SLC26A3: variants seen among roughly 807,000 people sequenced by gnomAD.
SLC26A3 encodes solute carrier family 26 member 3.
SLC26A3 carries 64 observed loss-of-function variants against 85.6 expected under a neutral mutation model. The observed-to-expected ratio is 0.75, with a 90% CI of 0.61 to 0.92. The LOEUF is 0.92. Ranked by LOEUF, SLC26A3 falls within the 40% of genes least tolerant of loss-of-function variation. SLC26A3 has a pLI of 0.00. For synonymous variants in SLC26A3, 349 were observed against 336.0 expected, an observed-to-expected ratio of 1.04 and a Z score of -0.42; for missense variants, 922 against 927.3, an observed-to-expected ratio of 0.99 and a Z score of 0.07.
chr7:107,767,920 A>G lies in SLC26A3; in HGVS notation c.2063-12T>C. ...CTCAATGAAGTCATCTGAAGAGAAA[A>G]AAACAGTAACTTTTAGGAAGAAACA... On this transcript the variant is annotated splice_polypyrimidine_tract_variant and intron_variant, in intron 18 of 20. Coordinates refer to ENST00000340010, the MANE Select transcript of SLC26A3 (RefSeq NM_000111.3). The G allele has an allele frequency of 6.2e-7, 1 of 1,612,918 alleles. No homozygotes were observed. Among genetic ancestry groups the G allele is most frequent in the Non-Finnish European group, 8.5e-7 (1 of 1,179,250 alleles).
At chr7:107,769,911 G>A (rs1793976113) in intron 18 of SLC26A3, among the ~76,000 whole-genome samples, 1 of 151,934 alleles carries the variant, frequency 6.6e-6, no homozygotes, top group Non-Finnish European at 1.5e-5. Flanking sequence ...CTTCGTTCTA[G>A]TCTGTACTCA....
intron 18 of SLC26A3, among the ~76,000 whole-genome samples, chr7:107,768,634 T>C (rs1019742134): frequency 6.6e-6 from 1 of 152,196 alleles, no homozygotes; most frequent in African/African-American, 2.4e-5. Context: ...TTTTTTCCTT[T>C]ATTGTTTTCT....
rs372427081 is a variant in SLC26A3, at chr7:107,789,946, G to A, written c.571-258C>T. Among the ~76,000 whole-genome samples the A allele has an allele frequency of 6.6e-5, 10 of 152,220 alleles. No individual in the cohort carries two copies. In the East Asian group the frequency reaches 1.9e-3, roughly 29 times the overall value. The stretch of plus-strand genomic sequence containing the variant: ...TATAAGTCTAGTTTGCCCCCAAGAA[G>A]TAACAGGCTTATTTGCACTTAATTT... On this transcript the variant is annotated intron_variant, in intron 5 of 20. Coordinates refer to ENST00000340010, the MANE Select transcript of SLC26A3 (RefSeq NM_000111.3).
chr7:107,801,373 G>A (rs1794596820), intron 1 of SLC26A3, among the ~76,000 whole-genome samples: 1 of 152,094 alleles, frequency 6.6e-6, no homozygotes, highest in Admixed American at 6.6e-5. Flanking sequence ...GAGCATGAAA[G>A]CCTCACACTC....
At chr7:107,766,039 A>G (rs575771436) in intron 20 of SLC26A3, among the ~76,000 whole-genome samples, 161 bp from the exon 21 acceptor site, 3 of 152,226 alleles carry the variant, frequency 2.0e-5, no homozygotes, top group Admixed American at 6.5e-5. Context: ...ACATAGATCT[A>G]TGTGATACCA....
intron 1 of SLC26A3, among the ~76,000 whole-genome samples, chr7:107,797,438 G>C (rs1794526110): frequency 6.6e-6 from 1 of 152,104 alleles, no homozygotes; most frequent in Non-Finnish European, 1.5e-5. Context: ...AGGTTGCAGT[G>C]AGCTGAGATC....
At chr7:107,770,643 G>A (rs989502639) in intron 18 of SLC26A3, among the ~76,000 whole-genome samples, 1 of 152,088 alleles carries the variant, frequency 6.6e-6, no homozygotes, top group Non-Finnish European at 1.5e-5. Context: ...TTTTCTATGA[G>A]ACTATAAGCT....
At chr7:107,770,048 TTCTCTTTTCTTTCTTTTTCTTTCTC>T (rs1257551739) in intron 18 of SLC26A3, among the ~76,000 whole-genome samples, 1 of 122,516 alleles carries the variant, frequency 8.2e-6, no homozygotes, top group Admixed American at 8.6e-5. Flanking sequence ...CTTTCTTTCT[TTCTCTTTTCTTTCTTTTTCTTTCTC>T]TCTTTTTTCT....
intron 11 of SLC26A3, 23 bp downstream of exon 11, chr7:107,782,774 A>T: frequency 1.9e-6 from 3 of 1,606,286 alleles, no homozygotes; most frequent in Non-Finnish European, 2.6e-6. Flanking sequence ...AAAAGTAGAG[A>T]TGCTATCCAA....
At chr7:107,771,973 T>G in intron 18 of SLC26A3, 81 bp downstream of exon 18, 1 of 927,390 alleles carries the variant, frequency 1.1e-6, no homozygotes, top group Non-Finnish European at 1.8e-6. Context: ...TACTCATTCT[T>G]TGGAGAGGCT....
chr7:107,777,924 T>C (rs1224214573), intron 13 of SLC26A3, among the ~76,000 whole-genome samples: 1 of 152,236 alleles, frequency 6.6e-6, no homozygotes, highest in African/African-American at 2.4e-5. Context: ...TATGATTTAT[T>C]TGAACTGGAG....
rs142908255 is a variant in SLC26A3 at position 107,767,802 on chromosome 7, C to A, written c.2169G>T (p.Lys723Asn). 1.9e-5 allele frequency: 30 copies of A among 1,613,772 alleles called. No individual in the cohort carries two copies. The highest frequency in any genetic ancestry group is 1.5e-4 in the African/African-American group (11 of 75,006). The change falls in exon 19 of 21, where the codon AAG becomes AAT. Residue 723 changes from lysine to asparagine, a missense_variant. Coordinates refer to ENST00000340010, the MANE Select transcript of SLC26A3 (RefSeq NM_000111.3). Reference protein sequence around the residue: ...IHDAVLHILMKKDYSTSKFNP... With the variant: ...IHDAVLHILMNKDYSTSKFNP... ...TAAACTTTGAAGTACTGTAATCTTT[C>A]TTCATCAAAATATGCAAAACAGCAT... is the stretch of plus-strand genomic sequence containing the variant.
chr7:107,772,530 A>T (rs1454150773), intron 17 of SLC26A3, among the ~76,000 whole-genome samples: 1 of 152,220 alleles, frequency 6.6e-6, no homozygotes, highest in Non-Finnish European at 1.5e-5. Flanking sequence ...TGTATCTAGC[A>T]CCAATGAATG....
intron 6 of SLC26A3, among the ~76,000 whole-genome samples, chr7:107,789,249 TG>T (rs1285204198): frequency 6.6e-6 from 1 of 151,718 alleles, no homozygotes. Flanking sequence ...CTGGAGTAGC[TG>T]GGACTACAGG....
chr7:107,770,669 C>G (rs559546295), intron 18 of SLC26A3, among the ~76,000 whole-genome samples: 1 of 152,094 alleles, frequency 6.6e-6, no homozygotes, highest in South Asian at 2.1e-4. Context: ...AGGACAGAGG[C>G]TTGTCAGATT....
In SLC26A3 at chr7:107,801,925, CAAA is replaced by C. The variant is rs11356401; in HGVS notation, c.-89+1183_-89+1185del. Among the ~76,000 whole-genome samples the C allele has an allele frequency of 4.5e-3, 407 of 91,230 alleles. 4 individuals carry two copies. The highest frequency in any genetic ancestry group is 0.013 in the African/African-American group (384 of 28,544). The allele number at this position is 91,230 out of a possible 152,430, so 59.9% of individuals were successfully genotyped here. ...CGAAACCCCGTCTCTACTGAAAATA[CAAA>C]AAAAAAAAAAAAAAAATGCCAGGCA... On this transcript the variant is annotated intron_variant, in intron 1 of 20. Coordinates refer to ENST00000340010, the MANE Select transcript of SLC26A3 (RefSeq NM_000111.3).
In SLC26A3 at chr7:107,767,877, T is replaced by A; in HGVS notation, c.2094A>T (p.Glu698Asp). 5 of 1,613,634 alleles carry A rather than the reference T, an allele frequency of 3.1e-6. No individual in the cohort carries two copies. Among genetic ancestry groups the A allele is most frequent in the Non-Finnish European group, 4.2e-6 (5 of 1,179,716 alleles). The change falls in exon 19 of 21, where the codon GAA becomes GAT. Residue 698 changes from glutamate to aspartate, a missense_variant. Transcript: ENST00000340010. ...AGCTTTTCACTTCACCATCAAAAAA[T>A]TCATACCGGTTAAGCTTCTCAATGA... The part of the protein sequence containing the change: ...DDFIEKLNRY[E>D]FFDGEVKSSI...
At chr7:107,797,776 A>T (rs1451004424) in intron 1 of SLC26A3, among the ~76,000 whole-genome samples, 4 of 126,500 alleles carry the variant, frequency 3.2e-5, no homozygotes, top group Non-Finnish European at 6.2e-5. Context: ...TCTGTCGCCC[A>T]GGCTGGAGTG....
intron 1 of SLC26A3, among the ~76,000 whole-genome samples, chr7:107,796,967 A>AT (rs576969438): frequency 9.7e-4 from 148 of 151,984 alleles, no homozygotes; most frequent in Non-Finnish European, 1.4e-3. Flanking sequence ...TGGCTGTTGT[A>AT]TTTTTTTTAT....
Sources: allele counts gnomAD v4.1 joint callset (sites outside exome capture counted in the v4.1 genomes callset), GRCh38; gene constraint gnomAD v4.1.1; transcripts MANE v1.5; gene names NCBI Gene and HGNC (gene_info 2026-07-23, HGNC 2026-07-21).